The following ZMYND11 variants were observed in gnomAD, a reference collection of about 807,000 sequenced individuals.
ZMYND11 encodes zinc finger MYND domain-containing protein 11.
A neutral mutation model predicts 84.9 loss-of-function variants in ZMYND11; 9 were observed. That is an observed-to-expected ratio of 0.11 (90% confidence interval 0.06 to 0.18). ZMYND11 has a LOEUF of 0.18. ZMYND11 is among the 10% of genes least tolerant of loss of function. The pLI is 1.00. For missense variants in ZMYND11, 409 were observed against 761.0 expected (o/e 0.54, Z 5.44); for synonymous variants, 250 against 244.1 (o/e 1.02, Z -0.23).
At chr10:188,854 A>G (rs1034417706) in intron 2 of ZMYND11, among the ~76,000 whole-genome samples, 4 of 152,186 alleles carry the variant, frequency 2.6e-5, no homozygotes, top group African/African-American at 9.7e-5. Context: ...ACTAGTCTCT[A>G]CTGGCATTGT....
chr10:187,450 C>A (rs1047728137), intron 2 of ZMYND11, among the ~76,000 whole-genome samples: 10 of 151,576 alleles, frequency 6.6e-5, no homozygotes, highest in Non-Finnish European at 1.3e-4. Flanking sequence ...TTGGCTAACA[C>A]GGTGAAACCC....
chr10:186,924 C>T (rs1398906393), intron 2 of ZMYND11, among the ~76,000 whole-genome samples: 4 of 152,046 alleles, frequency 2.6e-5, no homozygotes, highest in Non-Finnish European at 4.4e-5. Flanking sequence ...TCCCCACATT[C>T]TTTTAATTTT....
At chr10:190,459 T>A (rs776898646) in intron 2 of ZMYND11, among the ~76,000 whole-genome samples, 7 of 152,212 alleles carry the variant, frequency 4.6e-5, no homozygotes, top group Non-Finnish European at 2.9e-5. Flanking sequence ...GCGTTTCCCA[T>A]GCTCTGCCTT....
intron 6 of ZMYND11, among the ~76,000 whole-genome samples, chr10:238,062 A>G (rs1950268748): frequency 6.6e-6 from 1 of 152,212 alleles, no homozygotes; most frequent in Non-Finnish European, 1.5e-5. Context: ...AAAGCATAGA[A>G]CTGATCTGCC....
At chr10:234,128 T>C (rs1445372498) in intron 4 of ZMYND11, among the ~76,000 whole-genome samples, 1 of 152,262 alleles carries the variant, frequency 6.6e-6, no homozygotes, top group Non-Finnish European at 1.5e-5. Flanking sequence ...ATTCTGATTC[T>C]AGCAGTGCAT....
At chr10:218,222 AAACGTTTCCTCTAC>A (rs1395170511) in intron 3 of ZMYND11, among the ~76,000 whole-genome samples, 1 of 152,170 alleles carries the variant, frequency 6.6e-6, no homozygotes, top group Non-Finnish European at 1.5e-5. Flanking sequence ...TTGTTAGTTG[AAACGTTTCCTCTAC>A]AACTAGTAAT....
chr10:190,100 G>A (rs1034018381), intron 2 of ZMYND11, among the ~76,000 whole-genome samples: 2 of 152,180 alleles, frequency 1.3e-5, no homozygotes, highest in Non-Finnish European at 2.9e-5. Flanking sequence ...TTTTTTGAAT[G>A]TAGAAATGGT....
In ZMYND11 at chr10:222,982, G is replaced by A. The variant is rs12256451; in HGVS notation, c.438+1626G>A. On this transcript the variant is annotated intron_variant, in intron 4 of 14. Coordinates refer to ENST00000381604, the MANE Select transcript of ZMYND11 (RefSeq NM_001370100.5). Reference sequence around the variant, plus strand: ...GAAGAAAATGTTTAATACTTCTTCCGTCAGAATTCACTATCAAGTTGTCTG... The same window carrying A: ...GAAGAAAATGTTTAATACTTCTTCCATCAGAATTCACTATCAAGTTGTCTG... Among the ~76,000 whole-genome samples the A allele has an allele frequency of 1.9e-3, 289 of 151,502 alleles. 3 individuals are homozygous for A. The highest frequency in any genetic ancestry group is 6.7e-3 in the African/African-American group (276 of 41,304).
In ZMYND11 at chr10:215,503, A is replaced by G. The variant is rs984600586; in HGVS notation, c.276+5455A>G. Among the ~76,000 whole-genome samples the G allele has an allele frequency of 7.3e-5, 11 of 151,538 alleles. No individual in the cohort carries two copies. In the East Asian group the frequency reaches 7.8e-4, roughly 11 times the overall value. On this transcript the variant is annotated intron_variant, in intron 3 of 14. Coordinates refer to ENST00000381604, the MANE Select transcript of ZMYND11 (RefSeq NM_001370100.5). ...TTTTGCTGCTTGTGACTCAAGAGCA[A>G]CTGCACGCATGATATTATACTACTT...
intron 2 of ZMYND11, among the ~76,000 whole-genome samples, chr10:189,266 A>T (rs375672063): frequency 3.3e-5 from 5 of 152,218 alleles, no homozygotes; most frequent in African/African-American, 9.7e-5. Context: ...TCAACTAGGT[A>T]CACATTATTT....
intron 2 of ZMYND11, among the ~76,000 whole-genome samples, chr10:192,253 A>C (rs1268265798): frequency 6.6e-6 from 1 of 152,190 alleles, no homozygotes; most frequent in African/African-American, 2.4e-5. Flanking sequence ...AAGTGTGCTA[A>C]GTAGCAGGAA....
intron 2 of ZMYND11, among the ~76,000 whole-genome samples, chr10:183,256 A>G (rs992291403): frequency 6.7e-6 from 1 of 149,522 alleles, no homozygotes; most frequent in Non-Finnish European, 1.5e-5. Flanking sequence ...GATTGAAGAA[A>G]CCTGGCCATT....
At chr10:237,103 G>C (rs2131684811) in intron 5 of ZMYND11, among the ~76,000 whole-genome samples, 188 bp downstream of exon 5, 1 of 152,168 alleles carries the variant, frequency 6.6e-6, no homozygotes, top group South Asian at 2.1e-4. Flanking sequence ...AGATTTTCTT[G>C]TTTTGTCTGT....
Position 246,801 on chromosome 10 carries a change from C to G in ZMYND11, c.986C>G (p.Thr329Arg). ...CCTTCTGAAAACATTCAAGATATCA[C>G]AGTCAACATTCATCGGCTGCACGTG... ...WIPSENIQDI[T>R]VNIHRLHVKR... The change falls in exon 11 of 15, where the codon ACA becomes AGA. Residue 329 changes from threonine to arginine, a missense_variant. Thr to Arg is a moderately conservative substitution (Grantham distance 71). Around this residue, in one of 7 missense-constraint regions of ZMYND11, gnomAD observed 48 missense variants for 61.1 expected, o/e 0.79. Coordinates refer to ENST00000381604, the MANE Select transcript of ZMYND11 (RefSeq NM_001370100.5). 6.2e-7 allele frequency: 1 copy of G among 1,614,112 alleles called. No individual in the cohort carries two copies. The highest frequency in any genetic ancestry group is 8.5e-7 in the Non-Finnish European group (1 of 1,180,026).
rs566825505 is a variant in ZMYND11, at chr10:249,843, A to C, written c.1686+755A>C. On this transcript the variant is annotated intron_variant, in intron 14 of 14. Transcript: ENST00000381604. ...TTATATAAATACACATAAGCTTTTC[A>C]TGAAAGAAATATTTTTAAATCTGTG... The C allele has an allele frequency of 5.7e-6, 5 of 874,794 alleles. No homozygotes were observed. The East Asian group carries it at 6.1e-4, about 106-fold the overall frequency. The allele number at this position is 874,794 out of a possible 1,614,324, so 54.2% of individuals were successfully genotyped here.
At chr10:220,121 G>T (rs565952591) in intron 3 of ZMYND11, among the ~76,000 whole-genome samples, 1 of 152,204 alleles carries the variant, frequency 6.6e-6, no homozygotes, top group South Asian at 2.1e-4. Context: ...ATTTATTGGG[G>T]GAGTACTGAC....
At chr10:247,744 T>C (rs1255752325) in intron 12 of ZMYND11, among the ~76,000 whole-genome samples, 1 of 152,230 alleles carries the variant, frequency 6.6e-6, no homozygotes, top group Non-Finnish European at 1.5e-5. Flanking sequence ...ACATTGCTAT[T>C]AATACATTTC....
At chr10:206,058 A>C (rs1410077009) in intron 2 of ZMYND11, among the ~76,000 whole-genome samples, 1 of 151,214 alleles carries the variant, frequency 6.6e-6, no homozygotes, top group Non-Finnish European at 1.5e-5. Flanking sequence ...CTAGATAAAT[A>C]ATCAACAAAT....
At chr10:232,113 G>A (rs1589137136) in intron 4 of ZMYND11, among the ~76,000 whole-genome samples, 1 of 152,186 alleles carries the variant, frequency 6.6e-6, no homozygotes, top group Non-Finnish European at 1.5e-5. Context: ...TTGTTTTTAT[G>A]TTTTTCTGAC....
Sources: allele counts gnomAD v4.1 joint callset (sites outside exome capture counted in the v4.1 genomes callset), GRCh38; gene constraint gnomAD v4.1.1; regional missense constraint gnomAD v4.1.1; transcripts MANE v1.5; gene names NCBI Gene and HGNC (gene_info 2026-07-23, HGNC 2026-07-21).